FBXO42: variants seen among roughly 807,000 people sequenced by gnomAD.
FBXO42 encodes the protein F-box protein 42.
A neutral mutation model predicts 71.7 loss-of-function variants in FBXO42; 12 were observed. The ratio of observed to expected loss-of-function variants is 0.17; its 90% CI spans 0.11 to 0.27. FBXO42 has a LOEUF of 0.27. Ranked by LOEUF, FBXO42 falls within the 10% of genes least tolerant of loss-of-function variation. The pLI is 1.00. For missense variants in FBXO42, 707 were observed against 911.9 expected (o/e 0.78, Z 2.89); for synonymous variants, 325 against 327.5 (o/e 0.99, Z 0.08).
At chr1:16,332,348 TTGAA>T (rs1223638739) in intron 1 of FBXO42, among the ~76,000 whole-genome samples, 1 of 152,136 alleles carries the variant, frequency 6.6e-6, no homozygotes, top group African/African-American at 2.4e-5. Flanking sequence ...ATTGCTATAG[TTGAA>T]TGAAGGAAGA....
intron 4 of FBXO42, among the ~76,000 whole-genome samples, chr1:16,285,862 CTT>C (rs994805924): frequency 6.6e-6 from 1 of 152,032 alleles, no homozygotes; most frequent in African/African-American, 2.4e-5. Context: ...ACACCATTCT[CTT>C]TTTTGTTTTT....
chr1:16,315,319 G>T lies in FBXO42; in HGVS notation c.100C>A (p.Pro34Thr), dbSNP rs1297483902. Residue 34 changes from proline (P) to threonine (T), a missense_variant, in exon 2 of 10, where the codon CCA (proline) becomes ACA (threonine). By Grantham distance (38) the Pro-to-Thr change is conservative. Transcript: ENST00000375592. ...CTAGTCTCCTCAGCCTCCAATACTG[G>T]GTGGGGCTCCTCATCTTGATCCATT... The part of the protein sequence containing the change: ...GTMDQDEEPH[P>T]VLEAEETRHN... 1.2e-6 allele frequency: 2 copies of T among 1,613,932 alleles called. No individual in the cohort carries two copies. The highest frequency in any genetic ancestry group is 2.7e-5 in the African/African-American group (2 of 74,856).
chr1:16,288,291 A>G (rs1397117349), intron 4 of FBXO42, among the ~76,000 whole-genome samples: 1 of 151,904 alleles, frequency 6.6e-6, no homozygotes, highest in Admixed American at 6.6e-5. Context: ...TTAGCTGGGC[A>G]TGGTGGCACA....
intron 1 of FBXO42, among the ~76,000 whole-genome samples, chr1:16,344,947 A>G (rs1161524024): frequency 6.6e-6 from 1 of 151,556 alleles, no homozygotes; most frequent in African/African-American, 2.4e-5. Context: ...AAAAATACAA[A>G]TATTAGCTGG....
intron 1 of FBXO42, among the ~76,000 whole-genome samples, chr1:16,333,887 C>G (rs538132547): frequency 6.6e-6 from 1 of 152,164 alleles, no homozygotes; most frequent in African/African-American, 2.4e-5. Context: ...GGGATGGAAT[C>G]CAGAAAACTA....
At chr1:16,350,194 T>A (rs555878925) in intron 1 of FBXO42, among the ~76,000 whole-genome samples, 1 of 152,220 alleles carries the variant, frequency 6.6e-6, no homozygotes, top group South Asian at 2.1e-4. Flanking sequence ...GGAGAGCAAA[T>A]GATGTCATGG....
At chr1:16,300,739 GA>G (rs2082183074) in intron 3 of FBXO42, among the ~76,000 whole-genome samples, 1 of 152,068 alleles carries the variant, frequency 6.6e-6, no homozygotes, top group Admixed American at 6.6e-5. Flanking sequence ...GAAACTACCT[GA>G]CTATATGTGA....
chr1:16,344,163 A>G (rs1480231899), intron 1 of FBXO42, among the ~76,000 whole-genome samples: 1 of 151,580 alleles, frequency 6.6e-6, no homozygotes, highest in Non-Finnish European at 1.5e-5. Context: ...ACACCCAGCT[A>G]ATTTTGTATT....
chr1:16,251,420 T>A lies in FBXO42; in HGVS notation c.1404A>T (p.Pro468=). The change falls in exon 10 of 10, where the codon CCA becomes CCT. Residue 468 remains proline, a synonymous_variant. Transcript: ENST00000375592. The surrounding 1 kb of genome is among the most constrained non-coding windows in gnomAD (Gnocchi z 4.5). ...TCAGGTCGTATCCTTCAGGAGCAGA[T>A]GGAGTACTTGGAGATATGGCCTGTA... The part of the protein sequence containing the change: ...SPVQAISPST[P]SAPEGYDLKI... The A allele has an allele frequency of 6.2e-7, 1 of 1,614,020 alleles. No homozygotes were observed.
chr1:16,319,046 C>G (rs2082392638), intron 1 of FBXO42, among the ~76,000 whole-genome samples: 1 of 152,164 alleles, frequency 6.6e-6, no homozygotes, highest in Non-Finnish European at 1.5e-5. Context: ...TCTACCCAGA[C>G]CATTTACTAT....
chr1:16,286,941 T>C (rs1157408679), intron 4 of FBXO42, among the ~76,000 whole-genome samples: 1 of 152,196 alleles, frequency 6.6e-6, no homozygotes, highest in African/African-American at 2.4e-5. Flanking sequence ...TTGTGAATAC[T>C]TTACTCCAAG....
chr1:16,257,065 T>C (rs1019070834), intron 4 of FBXO42, among the ~76,000 whole-genome samples: 1 of 152,168 alleles, frequency 6.6e-6, no homozygotes, highest in Admixed American at 6.6e-5. Flanking sequence ...GTTTTGAGTA[T>C]TAAATAGTAT....
chr1:16,267,758 T>C (rs1021018725), intron 4 of FBXO42, among the ~76,000 whole-genome samples: 1 of 152,172 alleles, frequency 6.6e-6, no homozygotes, highest in Non-Finnish European at 1.5e-5. Flanking sequence ...GGATTCAGGG[T>C]ATACATTATT....
chr1:16,345,545 A>G (rs2082647969), intron 1 of FBXO42, among the ~76,000 whole-genome samples: 1 of 151,462 alleles, frequency 6.6e-6, no homozygotes, highest in Admixed American at 6.6e-5. Flanking sequence ...TTCTACTGGC[A>G]TTCCCTGTAA....
At chr1:16,349,206 GAAT>G (rs1311504951) in intron 1 of FBXO42, among the ~76,000 whole-genome samples, 20 of 152,284 alleles carry the variant, frequency 1.3e-4, no homozygotes, top group African/African-American at 4.8e-4. Context: ...AGACTCTGCA[GAAT>G]AATAGGAAAG....
chr1:16,268,375 A>T (rs2081801407), intron 4 of FBXO42, among the ~76,000 whole-genome samples: 2 of 152,180 alleles, frequency 1.3e-5, no homozygotes, highest in Admixed American at 1.3e-4. Context: ...ACCTTAGAAA[A>T]GCATGTATTC....
intron 1 of FBXO42, among the ~76,000 whole-genome samples, chr1:16,329,234 C>T (rs1020961967): frequency 1.3e-5 from 2 of 151,182 alleles, no homozygotes; most frequent in African/African-American, 4.9e-5. Context: ...TGAAAGAGCT[C>T]CTGATGGTCA....
At chr1:16,310,945 G>C (rs2082305984) in intron 2 of FBXO42, among the ~76,000 whole-genome samples, 1 of 150,788 alleles carries the variant, frequency 6.6e-6, no homozygotes, top group Non-Finnish European at 1.5e-5. Context: ...CTGCACTCCA[G>C]CCTGGGCAAC....
intron 3 of FBXO42, among the ~76,000 whole-genome samples, chr1:16,298,720 G>A (rs1263582652): frequency 1.3e-5 from 2 of 152,152 alleles, no homozygotes; most frequent in African/African-American, 4.8e-5. Context: ...ATGTTGGCCA[G>A]GCTGGTCTCG....
Sources: allele counts gnomAD v4.1 joint callset (sites outside exome capture counted in the v4.1 genomes callset), GRCh38; gene constraint gnomAD v4.1.1; non-coding constraint Gnocchi (gnomAD v3.1); transcripts MANE v1.5; gene names NCBI Gene and HGNC (gene_info 2026-07-23, HGNC 2026-07-21).